Variants in PCDH15 observed in about 807,000 individuals in gnomAD.
PCDH15 encodes the protein protocadherin-15.
PCDH15 carries 129 observed loss-of-function variants against 178.5 expected under a neutral mutation model. The observed-to-expected ratio is 0.72, with a 90% CI of 0.63 to 0.84. The LOEUF (loss-of-function observed/expected upper bound fraction) is 0.84. PCDH15 is among the 40% of genes least tolerant of loss of function. PCDH15 has a pLI of 0.00. For missense variants in PCDH15, 2,230 were observed against 2,099.9 expected (o/e 1.06, Z -1.21); for synonymous variants, 800 against 732.0 (o/e 1.09, Z -1.50).
chr10:54,774,297 C>A (rs926744531), intron 1 of PCDH15, among the ~76,000 whole-genome samples: 2 of 151,766 alleles, frequency 1.3e-5, no homozygotes, highest in African/African-American at 4.8e-5. Flanking sequence ...CAAAGTGCTG[C>A]GATTACAGGC....
intron 27 of PCDH15, among the ~76,000 whole-genome samples, chr10:53,865,295 T>C (rs2079373368): frequency 6.6e-6 from 1 of 152,126 alleles, no homozygotes; most frequent in South Asian, 2.1e-4. Context: ...TAATTGGTAA[T>C]GCATTATAAA....
intron 19 of PCDH15, among the ~76,000 whole-genome samples, chr10:54,022,435 T>C (rs2092952564): frequency 6.7e-6 from 1 of 150,076 alleles, no homozygotes; most frequent in Admixed American, 6.7e-5. Context: ...TACACATTTA[T>C]GTTATATATG....
At chr10:54,129,282 AAACG>A (rs2042231784) in intron 15 of PCDH15, among the ~76,000 whole-genome samples, 1 of 143,900 alleles carries the variant, frequency 6.9e-6, no homozygotes, top group Non-Finnish European at 1.5e-5. Context: ...AAACTCAAAT[AAACG>A]ATCAATACAT....
chr10:54,623,384 A>G, intron 2 of PCDH15, among the ~76,000 whole-genome samples: 1 of 152,122 alleles, frequency 6.6e-6, no homozygotes, highest in East Asian at 1.9e-4. Context: ...ACTATTATTA[A>G]TAATGAAAAG....
At chr10:55,042,080 A>T (rs2131978162) in intron 2 of PCDH15, among the ~76,000 whole-genome samples, 1 of 152,234 alleles carries the variant, frequency 6.6e-6, no homozygotes, top group East Asian at 1.9e-4. Flanking sequence ...CAGTGTGGTG[A>T]GCAAGCCTTT....
intron 2 of PCDH15, among the ~76,000 whole-genome samples, chr10:55,601,097 T>C (rs1324382809): frequency 1.3e-5 from 2 of 152,102 alleles, no homozygotes; most frequent in Admixed American, 6.5e-5. Context: ...CAATGCTCCA[T>C]GTACAAGAAC....
At chr10:54,637,472 T>C (rs1194546441) in intron 2 of PCDH15, among the ~76,000 whole-genome samples, 1 of 152,058 alleles carries the variant, frequency 6.6e-6, no homozygotes, top group Non-Finnish European at 1.5e-5. Context: ...CCCTGTTCCT[T>C]GACTCATGGT....
chr10:53,910,716 C>A (rs878881244), intron 25 of PCDH15, among the ~76,000 whole-genome samples: 3 of 151,934 alleles, frequency 2.0e-5, no homozygotes, highest in African/African-American at 4.8e-5. Flanking sequence ...CAAACTTGTC[C>A]GAGCTAAAGA....
In PCDH15 at chr10:53,939,327, A is replaced by G. The variant is rs2085847541; in HGVS notation, c.3233-372T>C. On this transcript the variant is annotated intron_variant, in intron 24 of 37. Coordinates refer to ENST00000644397, the MANE Select transcript of PCDH15 (RefSeq NM_001384140.1). ...GAAGTTGTTTCAAAGAAAACCATCT[A>G]ATTTTGTTTAACCAAAATTTTCTGA... Among the ~76,000 whole-genome samples the G allele has an allele frequency of 4.6e-5, 7 of 152,254 alleles. No individual in the cohort carries two copies. In the South Asian group the frequency reaches 1.4e-3, roughly 32 times the overall value.
At chr10:54,664,377 T>C (rs1016768906) in intron 1 of PCDH15, 87 bp from the exon 2 acceptor site, 77 of 835,636 alleles carry the variant, frequency 9.2e-5, no homozygotes, top group Admixed American at 2.8e-4. Flanking sequence ...CAGAAAAGCC[T>C]TAATGACTTC....
chr10:55,571,543 T>C (rs1842407572), intron 2 of PCDH15, among the ~76,000 whole-genome samples: 1 of 152,210 alleles, frequency 6.6e-6, no homozygotes, highest in South Asian at 2.1e-4. Flanking sequence ...ACTCCTTCAT[T>C]ACACATCAAT....
chr10:54,954,200 A>G (rs1364632440), intron 2 of PCDH15, among the ~76,000 whole-genome samples: 1 of 151,294 alleles, frequency 6.6e-6, no homozygotes, highest in Non-Finnish European at 1.5e-5. Context: ...TACCTCTGCA[A>G]TTTAATCTCT....
At chr10:55,341,793 ATATATATATATAT>A (rs1844586380) in intron 2 of PCDH15, among the ~76,000 whole-genome samples, 1 of 12,908 alleles carries the variant, frequency 7.7e-5, no homozygotes, top group Non-Finnish European at 1.6e-4. Flanking sequence ...ATATATATAT[ATATATATATATAT>A]TTTTTTTTTT....
chr10:54,697,515 G>GTGTATATATATACATATATATATATA (rs1555156234), intron 1 of PCDH15, among the ~76,000 whole-genome samples: 1 of 143,056 alleles, frequency 7.0e-6, no homozygotes, highest in African/African-American at 2.6e-5. Flanking sequence ...TGAAATGTGT[G>GTGTATATATATACATATATATATATA]TATATATATA....
At chr10:55,289,900 G>C (rs140770594) in intron 1 of PCDH15, among the ~76,000 whole-genome samples, 1 of 152,036 alleles carries the variant, frequency 6.6e-6, no homozygotes, top group African/African-American at 2.4e-5. Flanking sequence ...GAGTTTTCTT[G>C]AGAGTGGGTT....
chr10:54,726,817 C>T (rs934755139), intron 1 of PCDH15, among the ~76,000 whole-genome samples: 3 of 150,234 alleles, frequency 2.0e-5, no homozygotes, highest in African/African-American at 4.9e-5. Flanking sequence ...AGCTCTAAGA[C>T]TGGTTCTTCA....
intron 21 of PCDH15, among the ~76,000 whole-genome samples, chr10:53,978,995 G>A (rs569340078): frequency 2.0e-5 from 3 of 152,130 alleles, no homozygotes; most frequent in African/African-American, 7.2e-5. Flanking sequence ...ACATCTTCTT[G>A]TCTTCTTCTG....
intron 3 of PCDH15, among the ~76,000 whole-genome samples, chr10:54,456,902 G>A (rs1319566809): frequency 6.6e-6 from 1 of 152,090 alleles, no homozygotes; most frequent in Non-Finnish European, 1.5e-5. Flanking sequence ...GCTGCCATGT[G>A]AAGGACATGT....
At chr10:54,058,698 C>T (rs764284019) in intron 18 of PCDH15, among the ~76,000 whole-genome samples, 4,602 of 133,272 alleles carry the variant, frequency 0.035, 107 homozygotes, top group Non-Finnish European at 0.055. Flanking sequence ...TTCTTTCTTT[C>T]TTTTTTTTTT....
Sources: allele counts gnomAD v4.1 joint callset (sites outside exome capture counted in the v4.1 genomes callset), GRCh38; gene constraint gnomAD v4.1.1; transcripts MANE v1.5; gene names NCBI Gene and HGNC (gene_info 2026-07-23, HGNC 2026-07-21).